Variants in TRPC7 observed in about 807,000 individuals in gnomAD.
TRPC7 encodes short transient receptor potential channel 7.
In TRPC7, 42 loss-of-function variants were observed where a neutral mutation model predicts 90.1. The ratio of observed to expected loss-of-function variants is 0.47; its 90% CI spans 0.36 to 0.60. The LOEUF (loss-of-function observed/expected upper bound fraction) is 0.60, where lower values mean the gene tolerates loss of function less well. Ranked by LOEUF, TRPC7 falls within the 20% of genes least tolerant of loss-of-function variation. TRPC7 has a pLI of 0.00. For synonymous variants in TRPC7, 451 were observed against 436.3 expected (o/e 1.03, Z -0.42); for missense variants, 955 against 1,112.3 (o/e 0.86, Z 2.01).
At chr5:136,271,174 G>A (rs1757199658) in intron 4 of TRPC7, among the ~76,000 whole-genome samples, 1 of 152,166 alleles carries the variant, frequency 6.6e-6, no homozygotes, top group Admixed American at 6.5e-5. Context: ...ATTTCTCCGA[G>A]CAAGGGTTAT....
At chr5:136,242,151 T>A (rs573787389) in intron 7 of TRPC7, among the ~76,000 whole-genome samples, 1 of 152,332 alleles carries the variant, frequency 6.6e-6, no homozygotes, top group Admixed American at 6.5e-5. Context: ...AAAGACTTTA[T>A]TAAAGGAAGT....
intron 5 of TRPC7, 47 bp downstream of exon 5, chr5:136,266,173 C>T (rs1028958879): frequency 1.3e-6 from 2 of 1,516,052 alleles, no homozygotes; most frequent in Non-Finnish European, 1.8e-6. Context: ...TAATAATGTC[C>T]TACTATAATT....
chr5:136,259,111 G>A (rs1405461271), intron 5 of TRPC7, among the ~76,000 whole-genome samples: 1 of 152,130 alleles, frequency 6.6e-6, no homozygotes, highest in African/African-American at 2.4e-5. Flanking sequence ...CCCAATTATT[G>A]AGTACCTTCT....
intron 8 of TRPC7, among the ~76,000 whole-genome samples, chr5:136,229,052 G>C (rs1755734058): frequency 6.6e-6 from 1 of 152,348 alleles, no homozygotes; most frequent in Admixed American, 6.5e-5. Context: ...GAGTGGTGCA[G>C]AGACCTGCAG....
chr5:136,305,108 C>T (rs375958570), intron 3 of TRPC7, among the ~76,000 whole-genome samples: 2 of 151,720 alleles, frequency 1.3e-5, no homozygotes, highest in African/African-American at 2.4e-5. Context: ...TTCAGCTGTA[C>T]TCACTCTTTG....
chr5:136,325,907 C>T (rs894958299), intron 2 of TRPC7, among the ~76,000 whole-genome samples: 6 of 152,236 alleles, frequency 3.9e-5, no homozygotes, highest in African/African-American at 1.4e-4. Flanking sequence ...TCAAAGGCTA[C>T]TCTCCCTACA....
At chr5:136,263,427 T>C (rs1477405520) in intron 5 of TRPC7, among the ~76,000 whole-genome samples, 1 of 152,012 alleles carries the variant, frequency 6.6e-6, no homozygotes, top group Non-Finnish European at 1.5e-5. Flanking sequence ...AACCAAAAAA[T>C]TACCAAACAT....
At chr5:136,339,265 T>C (rs564728823) in intron 2 of TRPC7, among the ~76,000 whole-genome samples, 1 of 152,188 alleles carries the variant, frequency 6.6e-6, no homozygotes, top group Admixed American at 6.5e-5. Context: ...AACAAGATGA[T>C]AAGAGTCCCT....
At chr5:136,330,466 T>A (rs1759465936) in intron 2 of TRPC7, among the ~76,000 whole-genome samples, 1 of 152,170 alleles carries the variant, frequency 6.6e-6, no homozygotes, top group Non-Finnish European at 1.5e-5. Context: ...GAGTCCATGA[T>A]CCATGATCGT....
intron 6 of TRPC7, among the ~76,000 whole-genome samples, chr5:136,248,029 CG>C (rs150793073): frequency 0.029 from 4,454 of 152,294 alleles, 193 homozygotes; most frequent in African/African-American, 0.094. Context: ...ACCCCCACCA[CG>C]GGCTGGGCAG....
At chr5:136,315,155 T>C (rs1362384017) in intron 3 of TRPC7, among the ~76,000 whole-genome samples, 1 of 152,216 alleles carries the variant, frequency 6.6e-6, no homozygotes, top group Non-Finnish European at 1.5e-5. Flanking sequence ...ATAAGCTCTT[T>C]ACATTAATAC....
intron 5 of TRPC7, among the ~76,000 whole-genome samples, chr5:136,260,247 A>C (rs1756813528): frequency 6.6e-6 from 1 of 152,186 alleles, no homozygotes; most frequent in Non-Finnish European, 1.5e-5. Flanking sequence ...GTGATTACAG[A>C]AATATCAGTA....
intron 2 of TRPC7, among the ~76,000 whole-genome samples, chr5:136,340,017 A>G (rs1356881720): frequency 1.3e-5 from 2 of 152,120 alleles, no homozygotes; most frequent in African/African-American, 4.8e-5. Flanking sequence ...AGAAATCTGC[A>G]CTCCCATGTT....
intron 3 of TRPC7, among the ~76,000 whole-genome samples, chr5:136,313,836 C>T (rs1227217186): frequency 6.6e-6 from 1 of 152,218 alleles, no homozygotes; most frequent in Non-Finnish European, 1.5e-5. Flanking sequence ...TCATTTCCCT[C>T]ATGAAACATT....
At chr5:136,321,420 A>G (rs1045062324) in intron 2 of TRPC7, among the ~76,000 whole-genome samples, 1 of 152,188 alleles carries the variant, frequency 6.6e-6, no homozygotes, top group Non-Finnish European at 1.5e-5. Context: ...TTTCCTATTG[A>G]TAAAATTGAT....
chr5:136,353,124 A>G (rs2149859129), intron 2 of TRPC7, among the ~76,000 whole-genome samples: 1 of 152,342 alleles, frequency 6.6e-6, no homozygotes, highest in Non-Finnish European at 1.5e-5. Flanking sequence ...GATTAGAGAG[A>G]CATAAGAAAA....
chr5:136,283,693 T>C (rs960368806), intron 3 of TRPC7, among the ~76,000 whole-genome samples: 1 of 152,214 alleles, frequency 6.6e-6, no homozygotes, highest in African/African-American at 2.4e-5. Flanking sequence ...ATACTGAGCT[T>C]AGAAACCTTG....
chr5:136,213,349 G>T lies in TRPC7; in HGVS notation c.*86C>A. On this transcript the variant is annotated 3_prime_UTR_variant, in exon 12 of 12. Transcript: ENST00000513104. Reference sequence around the variant, plus strand: ...TTCGTGTCCTAGAGGAGTGGGCTGGGGACCCCTCCCCACCAAGGATGGGGG... The same window carrying T: ...TTCGTGTCCTAGAGGAGTGGGCTGGTGACCCCTCCCCACCAAGGATGGGGG... 1 of 1,442,560 alleles carries T rather than the reference G, an allele frequency of 6.9e-7. No individual in the cohort carries two copies. The highest frequency in any genetic ancestry group is 9.5e-7 in the Non-Finnish European group (1 of 1,056,780). The allele number at this position is 1,442,560 out of a possible 1,614,324, so 89.4% of individuals were successfully genotyped here. A position where few individuals can be genotyped will look rare whatever the true frequency, so the allele number is the denominator to read the frequency against.
intron 1 of TRPC7, 48 bp from the exon 2 acceptor site, chr5:136,357,433 A>G: frequency 1.3e-6 from 2 of 1,518,848 alleles, no homozygotes; most frequent in Admixed American, 4.0e-5. Flanking sequence ...CGGATTCCCT[A>G]GCAGTAGAGC....
Sources: allele counts gnomAD v4.1 joint callset (sites outside exome capture counted in the v4.1 genomes callset), GRCh38; gene constraint gnomAD v4.1.1; transcripts MANE v1.5; gene names NCBI Gene and HGNC (gene_info 2026-07-23, HGNC 2026-07-21).